CSMD1: variants seen among roughly 807,000 people sequenced by gnomAD.
CSMD1 encodes the protein CUB and Sushi multiple domains 1.
CSMD1 carries 213 observed loss-of-function variants against 417.5 expected under a neutral mutation model. The observed-to-expected ratio is 0.51, with a 90% CI of 0.46 to 0.57. The LOEUF is 0.57. CSMD1 is among the 20% of genes least tolerant of loss of function. The pLI is 0.00. For synonymous variants in CSMD1, 2,862 were observed against 1,736.8 expected (o/e 1.65, Z -16.11); for missense variants, 6,923 against 4,529.7 (o/e 1.53, Z -15.17).
intron 5 of CSMD1, among the ~76,000 whole-genome samples, chr8:3,964,955 A>T (rs1014738696): frequency 3.3e-5 from 5 of 152,148 alleles, no homozygotes; most frequent in Non-Finnish European, 5.9e-5. Flanking sequence ...TATCCTCGTC[A>T]TGTAATTCTT....
At chr8:4,201,507 C>A (rs535289059) in intron 3 of CSMD1, among the ~76,000 whole-genome samples, 1 of 124,862 alleles carries the variant, frequency 8.0e-6, no homozygotes, top group Non-Finnish European at 1.6e-5. Context: ...CACTGCCGTC[C>A]GGCCTAGGTA....
intron 1 of CSMD1, among the ~76,000 whole-genome samples, chr8:4,842,579 G>A (rs1430887234): frequency 1.3e-5 from 2 of 152,236 alleles, no homozygotes; most frequent in East Asian, 1.9e-4. Context: ...TTGAGCATAG[G>A]GCACATGTAT....
chr8:4,168,028 C>T (rs923421648), intron 3 of CSMD1, among the ~76,000 whole-genome samples: 1 of 151,948 alleles, frequency 6.6e-6, no homozygotes, highest in Non-Finnish European at 1.5e-5. Flanking sequence ...AATCAGGAAG[C>T]TGAGGCCGTA....
chr8:2,984,010 C>T (rs562274470), intron 54 of CSMD1, among the ~76,000 whole-genome samples: 1 of 152,206 alleles, frequency 6.6e-6, no homozygotes, highest in East Asian at 1.9e-4. Context: ...ACTGGTAACT[C>T]CTGTTCCCTG....
At chr8:4,000,283 A>C in intron 4 of CSMD1, among the ~76,000 whole-genome samples, 1 of 152,210 alleles carries the variant, frequency 6.6e-6, no homozygotes, top group African/African-American at 2.4e-5. Context: ...TCCCTGGTCA[A>C]CTGAGAACCA....
chr8:3,872,054 C>G (rs1285581801), intron 5 of CSMD1, among the ~76,000 whole-genome samples: 3 of 152,152 alleles, frequency 2.0e-5, no homozygotes, highest in African/African-American at 7.2e-5. Flanking sequence ...TTATATTGCT[C>G]TTTTAGGATA....
intron 2 of CSMD1, among the ~76,000 whole-genome samples, chr8:4,564,178 T>C (rs1475540999): frequency 1.3e-5 from 2 of 152,218 alleles, no homozygotes; most frequent in Non-Finnish European, 2.9e-5. Context: ...CAAGTCATTG[T>C]TGAGCTTTCA....
At chr8:4,045,462 T>A (rs1298040733) in intron 3 of CSMD1, among the ~76,000 whole-genome samples, 1 of 152,154 alleles carries the variant, frequency 6.6e-6, no homozygotes, top group South Asian at 2.1e-4. Flanking sequence ...GAAGGGCCAC[T>A]GGTGCTGGGG....
chr8:4,413,667 G>A (rs146727768), intron 3 of CSMD1, among the ~76,000 whole-genome samples: 2,065 of 152,156 alleles, frequency 0.014, 13 homozygotes, highest in Middle Eastern at 0.051. Context: ...GGTGTACCGC[G>A]GATCCCAAGA....
intron 6 of CSMD1, among the ~76,000 whole-genome samples, chr8:3,721,800 T>A (rs1268381093): frequency 1.3e-5 from 2 of 152,180 alleles, no homozygotes; most frequent in Non-Finnish European, 2.9e-5. Flanking sequence ...TCAATCTTCA[T>A]CATAAGCCAT....
At chr8:4,117,952 A>AG (rs1292077522) in intron 3 of CSMD1, among the ~76,000 whole-genome samples, 2 of 151,346 alleles carry the variant, frequency 1.3e-5, no homozygotes, top group Admixed American at 6.6e-5. Flanking sequence ...AGTCAATAGG[A>AG]AAAAAAAAAA....
chr8:4,368,613 T>A (rs1324564889), intron 3 of CSMD1, among the ~76,000 whole-genome samples: 1 of 152,172 alleles, frequency 6.6e-6, no homozygotes, highest in African/African-American at 2.4e-5. Flanking sequence ...GGACTTTTGG[T>A]TGGTAGGCTT....
chr8:3,690,461 C>G (rs1043930847), intron 7 of CSMD1, among the ~76,000 whole-genome samples: 3 of 152,196 alleles, frequency 2.0e-5, no homozygotes, highest in African/African-American at 7.2e-5. Flanking sequence ...CAGTAGTGTT[C>G]AAGGCTTCTC....
intron 2 of CSMD1, among the ~76,000 whole-genome samples, chr8:4,425,704 CAT>C (rs1315237448): frequency 2.0e-5 from 3 of 152,258 alleles, no homozygotes; most frequent in African/African-American, 7.2e-5. Flanking sequence ...ATTTTCAACA[CAT>C]AGTAAATTAC....
chr8:3,640,663 G>T (rs536537538), intron 7 of CSMD1, among the ~76,000 whole-genome samples: 2 of 152,104 alleles, frequency 1.3e-5, no homozygotes, highest in Non-Finnish European at 2.9e-5. Flanking sequence ...TTTGATTGTC[G>T]CTACAATGTT....
intron 1 of CSMD1, among the ~76,000 whole-genome samples, chr8:4,848,669 A>G (rs1427174659): frequency 6.6e-6 from 1 of 151,672 alleles, no homozygotes; most frequent in Non-Finnish European, 1.5e-5. Context: ...CCTCTCGAGT[A>G]GCTGGGATTA....
chr8:3,892,902 G>T (rs188700107), intron 5 of CSMD1, among the ~76,000 whole-genome samples: 44 of 151,792 alleles, frequency 2.9e-4, no homozygotes, highest in African/African-American at 1.1e-3. Flanking sequence ...CGTTGATGTG[G>T]ACAGAGCAAG....
intron 1 of CSMD1, among the ~76,000 whole-genome samples, chr8:4,724,436 G>T (rs954285495): frequency 6.6e-6 from 1 of 151,658 alleles, no homozygotes; most frequent in Non-Finnish European, 1.5e-5. Flanking sequence ...ACAAATAACA[G>T]ATTCAAATAT....
chr8:3,789,428 GTTTTT>G (rs200174086), intron 5 of CSMD1, among the ~76,000 whole-genome samples: 7 of 84,948 alleles, frequency 8.2e-5, no homozygotes, highest in Admixed American at 6.9e-4. Context: ...TTTAAGTAGT[GTTTTT>G]TTTTAAGTGT....
Sources: gnomAD v4.1 joint callset for allele counts (sites outside exome capture counted in the v4.1 genomes callset) on GRCh38, gnomAD v4.1.1 for gene constraint, MANE v1.5 for transcripts, NCBI Gene and HGNC (gene_info 2026-07-23, HGNC 2026-07-21) for gene names.